SLC25A3: variants seen among roughly 807,000 people sequenced by gnomAD.
SLC25A3 encodes phosphate transport protein.
In SLC25A3, 14 loss-of-function variants were observed where a neutral mutation model predicts 37.1. The ratio of observed to expected loss-of-function variants is 0.38; its 90% CI spans 0.25 to 0.59. SLC25A3 has a LOEUF of 0.59. SLC25A3 is among the 20% of genes least tolerant of loss of function. The pLI, the probability that SLC25A3 is intolerant of heterozygous loss-of-function variation, is 0.67. For synonymous variants in SLC25A3, 161 were observed against 168.7 expected (o/e 0.95, Z 0.36); for missense variants, 385 against 458.1 (o/e 0.84, Z 1.46).
chr12:98,595,601 A>G (rs2097592354), intron 2 of SLC25A3, 126 bp from the exon 3 acceptor site: 2 of 1,613,118 alleles, frequency 1.2e-6, no homozygotes, highest in African/African-American at 2.7e-5. Flanking sequence ...AGCATGACTG[A>G]CTGTTAAGTT....
intron 5 of SLC25A3, 62 bp downstream of exon 5, chr12:98,598,765 TTTTG>T: frequency 6.8e-7 from 1 of 1,464,834 alleles, no homozygotes; most frequent in Non-Finnish European, 9.3e-7. Flanking sequence ...CTTCATTTTT[TTTTG>T]TTTTTTTTTT....
chr12:98,595,891 C>T (rs1228361301), intron 3 of SLC25A3, 43 bp downstream of exon 3: 6 of 1,537,008 alleles, frequency 3.9e-6, no homozygotes. Flanking sequence ...TCTCATGTGA[C>T]TTAACTCTAA....
intron 5 of SLC25A3, 181 bp from the exon 6 acceptor site, chr12:98,599,774 T>C (rs543953330): frequency 1.3e-6 from 1 of 792,032 alleles, no homozygotes; most frequent in Non-Finnish European, 2.2e-6. Context: ...GCTTGAGTCA[T>C]TGGCATGTAA....
chr12:98,606,254 T>TCA lies in SLC25A3; in HGVS notation c.*4729_*4730dup, dbSNP rs1383213699. 3.3e-5 allele frequency: 5 copies of TCA among 152,254 alleles called. No individual in the cohort carries two copies. The highest frequency in any genetic ancestry group is 7.3e-5 in the Non-Finnish European group (5 of 68,044). The allele number at this position is 152,254 out of a possible 1,614,324, so 9.4% of individuals were successfully genotyped here. On this transcript the variant is annotated 3_prime_UTR_variant, in exon 8 of 8. Coordinates refer to ENST00000552981, the MANE Select transcript of SLC25A3 (RefSeq NM_002635.4). ...TTTTAAACTTACAGGACTCTGTAGT[T>TCA]CACAGTTGAACACTGTGGCTTCCTG...
rs1017628149 is a variant in SLC25A3 at position 98,602,981 on chromosome 12, G to C, written c.*1453G>C. On this transcript the variant is annotated 3_prime_UTR_variant, in exon 8 of 8. Coordinates refer to ENST00000552981, the MANE Select transcript of SLC25A3 (RefSeq NM_002635.4). ...TCATCATTGCCTGAACTTGTTAAAG[G>C]TTCCAACATTTTACCTGTGCTGCAG... 2.6e-5 allele frequency: 4 copies of C among 152,174 alleles called. No homozygotes were observed. Among genetic ancestry groups the C allele is most frequent in the Admixed American group, 6.5e-5 (1 of 15,280 alleles). The allele number at this position is 152,174 out of a possible 1,614,324, so 9.4% of individuals were successfully genotyped here.
rs554598747 is a variant in SLC25A3, at chr12:98,603,489, G to A, written c.*1961G>A. 3 of 152,280 alleles carry A rather than the reference G, an allele frequency of 2.0e-5. No homozygotes were observed. Among genetic ancestry groups the A allele is most frequent in the East Asian group, 1.9e-4 (1 of 5,186 alleles). The allele number at this position is 152,280 out of a possible 1,614,324, so 9.4% of individuals were successfully genotyped here. Reference sequence around the variant, plus strand: ...CCAGATTGAGGAAAAAAGGAACATAGTCTCTACCTCTTCCTGAGAGGAAAG... The same window carrying A: ...CCAGATTGAGGAAAAAAGGAACATAATCTCTACCTCTTCCTGAGAGGAAAG... On this transcript the variant is annotated 3_prime_UTR_variant, in exon 8 of 8. Coordinates refer to ENST00000552981, the MANE Select transcript of SLC25A3 (RefSeq NM_002635.4).
Position 98,601,869 on chromosome 12 carries a change from G to T in SLC25A3, c.*341G>T. 1 of 242,566 alleles carries T rather than the reference G, an allele frequency of 4.1e-6. No homozygotes were observed. Among genetic ancestry groups the T allele is most frequent in the South Asian group, 5.4e-5 (1 of 18,548 alleles). The allele number at this position is 242,566 out of a possible 1,614,324, so 15.0% of individuals were successfully genotyped here. On this transcript the variant is annotated 3_prime_UTR_variant, in exon 8 of 8. Transcript: ENST00000552981. ...ATTCAGAAATTGTCATATGTCTCAAGTTTTATCACACAAAGTTCCTGTATT... is the reference window on the plus strand; with the variant it reads ...ATTCAGAAATTGTCATATGTCTCAATTTTTATCACACAAAGTTCCTGTATT...
chr12:98,594,445 A>T (rs990182000), intron 2 of SLC25A3: 4 of 676,114 alleles, frequency 5.9e-6, no homozygotes, highest in Non-Finnish European at 1.1e-5. Flanking sequence ...CAAACTAAGT[A>T]CTGGGTAAAC....
chr12:98,597,678 C>T (rs1049059885), intron 3 of SLC25A3, 178 bp from the exon 4 acceptor site: 5 of 776,846 alleles, frequency 6.4e-6, no homozygotes, highest in Admixed American at 2.9e-5. Flanking sequence ...CCTGCCTCAG[C>T]CTCCCAAAGT....
Position 98,594,079 on chromosome 12 carries a change from C to T in SLC25A3, c.101C>T (p.Pro34Leu), listed in dbSNP as rs1463684283. 1 of 1,612,564 alleles carries T rather than the reference C, an allele frequency of 6.2e-7. No homozygotes were observed. Among genetic ancestry groups the T allele is most frequent in the Non-Finnish European group, 8.5e-7 (1 of 1,179,678 alleles). The change falls in exon 2 of 8, where the codon CCA becomes CTA. Residue 34 changes from proline to leucine, a missense_variant. Transcript: ENST00000552981. ...CTCGGGGACCTCCGCAGCAGCTCCC[C>T]AGGGCCCACGGGCCAGCCCCGCCGC... ...DGLGDLRSSS[P>L]GPTGQPRRPR... is the part of the protein sequence containing the mutation.
chr12:98,597,854 A>T lies in SLC25A3; in HGVS notation c.280-2A>T. 1 of 1,612,180 alleles carries T rather than the reference A, an allele frequency of 6.2e-7. No individual in the cohort carries two copies. Among genetic ancestry groups the T allele is most frequent in the Non-Finnish European group, 8.5e-7 (1 of 1,178,416 alleles). ...ATTTTTTTTTTCTTGTTTTAAATAA[A>T]GGTGGACCCCCAAAAGTACAAGGGC... On this transcript the variant is annotated splice_acceptor_variant, in intron 3 of 7. Transcript: ENST00000552981. LOFTEE classifies it high-confidence loss of function.
At chr12:98,596,126 C>T (rs1387528548) in intron 3 of SLC25A3, among the ~76,000 whole-genome samples, 1 of 152,108 alleles carries the variant, frequency 6.6e-6, no homozygotes, top group Non-Finnish European at 1.5e-5. Context: ...TACTAGTGCC[C>T]CAAATAGTCA....
Position 98,605,662 on chromosome 12 carries a change from A to G in SLC25A3, c.*4134A>G, listed in dbSNP as rs2097600825. The G allele has an allele frequency of 6.6e-6, 1 of 152,006 alleles. No individual in the cohort carries two copies. The highest frequency in any genetic ancestry group is 1.5e-5 in the Non-Finnish European group (1 of 68,016). 9.4% of individuals were successfully genotyped at this position (152,006 alleles called of 1,614,324 possible). ...ATGAAACCCCAGGTCTCTACTAAAA[A>G]TACAAAAATTGGTCAGGCATGGTGG... On this transcript the variant is annotated 3_prime_UTR_variant, in exon 8 of 8. Coordinates refer to ENST00000552981, the MANE Select transcript of SLC25A3 (RefSeq NM_002635.4).
chr12:98,596,780 G>A (rs934048259), intron 3 of SLC25A3, among the ~76,000 whole-genome samples: 4 of 152,166 alleles, frequency 2.6e-5, no homozygotes, highest in African/African-American at 7.2e-5. Context: ...TTGGGTAGCC[G>A]AAGCAGGTGG....
intron 2 of SLC25A3, 116 bp downstream of exon 2, chr12:98,594,251 A>G (rs1385742542): frequency 6.7e-6 from 6 of 891,198 alleles, no homozygotes; most frequent in Non-Finnish European, 9.0e-6. Context: ...GCTGCACCGT[A>G]GGACGGCGCC....
In SLC25A3 at chr12:98,602,893, T is replaced by A. The variant is rs946520754; in HGVS notation, c.*1365T>A. On this transcript the variant is annotated 3_prime_UTR_variant, in exon 8 of 8. Coordinates refer to ENST00000552981, the MANE Select transcript of SLC25A3 (RefSeq NM_002635.4). Reference sequence around the variant, plus strand: ...GGAGAGAAATGTTACTACAAACTCATGGTAAGGTCAGTGAACTCAATTTAG... The same window carrying A: ...GGAGAGAAATGTTACTACAAACTCAAGGTAAGGTCAGTGAACTCAATTTAG... 3 of 152,194 alleles carry A rather than the reference T, an allele frequency of 2.0e-5. No individual in the cohort carries two copies. Among genetic ancestry groups the A allele is most frequent in the East Asian group, 1.9e-4 (1 of 5,196 alleles). 9.4% of individuals were successfully genotyped at this position (152,194 alleles called of 1,614,324 possible).
chr12:98,594,803 C>A, intron 2 of SLC25A3: 1 of 183,280 alleles, frequency 5.5e-6, no homozygotes, highest in Non-Finnish European at 1.2e-5. Context: ...ACCTGAAAAC[C>A]GAATTGTAGG....
Position 98,597,945 on chromosome 12 carries a change from T to C in SLC25A3, c.369T>C (p.Ala123=), listed in dbSNP as rs1592977060. ...DGVRGLAKGW[A]PTFLGYSMQG... ...TTCGTGGTTTGGCTAAAGGATGGGCTCCGACTTTCCTTGGCTACTCCATGC... is the reference window on the plus strand; with the variant it reads ...TTCGTGGTTTGGCTAAAGGATGGGCCCCGACTTTCCTTGGCTACTCCATGC... The change falls in exon 4 of 8, where the codon GCT becomes GCC. Residue 123 remains alanine (A), a synonymous_variant. Transcript: ENST00000552981. 1 of 1,614,134 alleles carries C rather than the reference T, an allele frequency of 6.2e-7. No individual in the cohort carries two copies. Among genetic ancestry groups the C allele is most frequent in the Non-Finnish European group, 8.5e-7 (1 of 1,179,960 alleles).
At position 98,606,144 on chromosome 12, in the gene SLC25A3, C is replaced by CA. The variant is rs1269397747; in HGVS notation, c.*4618dup. On this transcript the variant is annotated 3_prime_UTR_variant, in exon 8 of 8. Transcript: ENST00000552981. ...AAAAATAAATTGTATAATCATATTG[C>CA]AATTTTCTTTGCATTACTGATGAGG... The CA allele has an allele frequency of 6.6e-6, 1 of 152,048 alleles. No individual in the cohort carries two copies. Among genetic ancestry groups the CA allele is most frequent in the Admixed American group, 6.6e-5 (1 of 15,242 alleles). 9.4% of individuals were successfully genotyped at this position (152,048 alleles called of 1,614,324 possible).
Sources: gnomAD v4.1 joint callset for allele counts (sites outside exome capture counted in the v4.1 genomes callset) on GRCh38, gnomAD v4.1.1 for gene constraint, MANE v1.5 for transcripts, NCBI Gene and HGNC (gene_info 2026-07-23, HGNC 2026-07-21) for gene names.